The following FYTTD1 variants were observed in gnomAD, a reference collection of about 807,000 sequenced individuals.
The protein encoded by FYTTD1 is forty-two-three domain containing 1.
FYTTD1 carries 22 observed loss-of-function variants against 40.9 expected under a neutral mutation model. That is an observed-to-expected ratio of 0.54 (90% CI 0.38 to 0.77). The LOEUF (loss-of-function observed/expected upper bound fraction) is 0.77. FYTTD1 is among the 30% of genes least tolerant of loss of function. FYTTD1 has a pLI of 0.00. For synonymous variants in FYTTD1, 140 were observed against 137.9 expected (o/e 1.01, Z -0.10); for missense variants, 351 against 392.2 (o/e 0.90, Z 0.89).
At chr3:197,769,709 G>T (rs1392046609) in intron 3 of FYTTD1, among the ~76,000 whole-genome samples, 1 of 151,782 alleles carries the variant, frequency 6.6e-6, no homozygotes, top group Non-Finnish European at 1.5e-5. Flanking sequence ...TTTGGAACTT[G>T]GCTTTTTTAA....
chr3:197,751,678 T>A (rs1026141770), intron 1 of FYTTD1, among the ~76,000 whole-genome samples: 3 of 137,112 alleles, frequency 2.2e-5, no homozygotes, highest in African/African-American at 2.7e-5. Context: ...CCTTTTGAGG[T>A]AAGGCCAACA....
At chr3:197,766,928 T>G (rs76851784) in intron 2 of FYTTD1, among the ~76,000 whole-genome samples, 2,200 of 152,250 alleles carry the variant, frequency 0.014, 32 homozygotes, top group Non-Finnish European at 0.02. Context: ...TTAAAATATA[T>G]GTATACAAGT....
intron 1 of FYTTD1, among the ~76,000 whole-genome samples, chr3:197,753,334 C>A (rs996362544): frequency 6.6e-6 from 1 of 152,070 alleles, no homozygotes; most frequent in African/African-American, 2.4e-5. Context: ...ATTTGAAAAT[C>A]GGTGTTATGG....
At position 197,782,458 on chromosome 3, in the gene FYTTD1, CG is replaced by C. The variant is rs1730053854; in HGVS notation, c.*551del. ...TCCAGAACGTGCTTCCTCTTTCAGA[CG>C]GTGTAAAGTCCCCTGGAATTACACA... On this transcript the variant is annotated 3_prime_UTR_variant, in exon 9 of 9. Transcript: ENST00000241502. 1 of 152,184 alleles carries C rather than the reference CG, an allele frequency of 6.6e-6. No individual in the cohort carries two copies. The highest frequency in any genetic ancestry group is 2.4e-5 in the African/African-American group (1 of 41,430). The allele number at this position is 152,184 out of a possible 1,614,324, so 9.4% of individuals were successfully genotyped here. A position where few individuals can be genotyped will look rare whatever the true frequency, so the allele number is the denominator to read the frequency against.
intron 1 of FYTTD1, 74 bp downstream of exon 1, chr3:197,750,148 G>A: frequency 1.7e-6 from 2 of 1,162,640 alleles, no homozygotes; most frequent in Non-Finnish European, 2.4e-6. Flanking sequence ...GGTTTGTGGG[G>A]GCAGGGGCGG....
At position 197,767,076 on chromosome 3, in the gene FYTTD1, C is replaced by T. The variant is rs1170640115; in HGVS notation, c.236-1363C>T. Among the ~76,000 whole-genome samples the T allele has an allele frequency of 9.7e-4, 142 of 146,136 alleles. 1 individual carries two copies. The highest frequency in any genetic ancestry group is 1.7e-3 in the Non-Finnish European group (109 of 66,002). On this transcript the variant is annotated intron_variant, in intron 2 of 8. Coordinates refer to ENST00000241502, the MANE Select transcript of FYTTD1 (RefSeq NM_032288.7). Reference sequence around the variant, plus strand: ...ACATGTCTATTTTTTAATTTACCCCCTTTTTTTTTTTAACGGGCAGCCCCT... The same window carrying T: ...ACATGTCTATTTTTTAATTTACCCCTTTTTTTTTTTTAACGGGCAGCCCCT...
At chr3:197,770,265 A>C in intron 4 of FYTTD1, 21 bp downstream of exon 4, 3 of 1,406,538 alleles carry the variant, frequency 2.1e-6, no homozygotes, top group African/African-American at 1.4e-5. Context: ...AAAAATAATA[A>C]TGTGTTATTT....
rs34296281 is a variant in FYTTD1, at chr3:197,787,111, CTT to C, written c.*5221_*5222del. 159 of 83,640 alleles carry C rather than the reference CTT, an allele frequency of 1.9e-3. No homozygotes were observed. The highest frequency in any genetic ancestry group is 2.6e-3 in the Admixed American group (18 of 6,972). The allele number at this position is 83,640 out of a possible 1,614,324, so 5.2% of individuals were successfully genotyped here. A position where few individuals can be genotyped will look rare whatever the true frequency, so the allele number is the denominator to read the frequency against. On this transcript the variant is annotated 3_prime_UTR_variant, in exon 9 of 9. Coordinates refer to ENST00000241502, the MANE Select transcript of FYTTD1 (RefSeq NM_032288.7). Reference sequence around the variant, plus strand: ...ACCACGCCCGCCCTAAAAGTGGATTCTTTTTTTTTTTTTTTTTTTTGGAGACA... The same window carrying C: ...ACCACGCCCGCCCTAAAAGTGGATTCTTTTTTTTTTTTTTTTTTGGAGACA...
Position 197,749,945 on chromosome 3 carries a change from C to T in FYTTD1, c.-27C>T, listed in dbSNP as rs772826694. ...GCCTGCGACTCCGGCCTTGTCCGCG[C>T]CCGCTCTCGGCGCGACGTCTCCAGC... On this transcript the variant is annotated 5_prime_UTR_variant, in exon 1 of 9. Transcript: ENST00000241502. 4.0e-6 allele frequency: 6 copies of T among 1,512,440 alleles called. No individual in the cohort carries two copies. The highest frequency in any genetic ancestry group is 5.4e-6 in the Non-Finnish European group (6 of 1,116,716). 93.7% of individuals were successfully genotyped at this position (1,512,440 alleles called of 1,614,324 possible).
At chr3:197,759,123 A>C (rs564916699) in intron 2 of FYTTD1, among the ~76,000 whole-genome samples, 2 of 151,418 alleles carry the variant, frequency 1.3e-5, no homozygotes, top group African/African-American at 4.9e-5. Context: ...GAATGTATAG[A>C]GTGTTCTTCA....
Position 197,786,435 on chromosome 3 carries a change from T to C in FYTTD1, c.*4526T>C, listed in dbSNP as rs1456409620. On this transcript the variant is annotated 3_prime_UTR_variant, in exon 9 of 9. Coordinates refer to ENST00000241502, the MANE Select transcript of FYTTD1 (RefSeq NM_032288.7). ...CAGCCTACAGCTTATTTTCTACCTA[T>C]GTTTAACAGGAAGCTTGATAACACA... The C allele has an allele frequency of 6.6e-6, 1 of 152,136 alleles. No homozygotes were observed. Among genetic ancestry groups the C allele is most frequent in the East Asian group, 1.9e-4 (1 of 5,186 alleles). 9.4% of individuals were successfully genotyped at this position (152,136 alleles called of 1,614,324 possible).
intron 1 of FYTTD1, among the ~76,000 whole-genome samples, chr3:197,751,552 T>C (rs1013669683): frequency 1.3e-5 from 2 of 152,016 alleles, no homozygotes; most frequent in African/African-American, 2.4e-5. Context: ...TGAGAATAGC[T>C]GGAACCCGCG....
intron 3 of FYTTD1, 22 bp from the exon 4 acceptor site, chr3:197,770,110 A>G (rs777681353): frequency 1.3e-5 from 18 of 1,397,348 alleles, no homozygotes; most frequent in Middle Eastern, 3.5e-4. Flanking sequence ...TTTGATTAAC[A>G]TAATTTCTTG....
At chr3:197,774,814 G>C (rs1454307601) in intron 6 of FYTTD1, among the ~76,000 whole-genome samples, 4 of 149,974 alleles carry the variant, frequency 2.7e-5, no homozygotes, top group Non-Finnish European at 5.9e-5. Flanking sequence ...TCGATCGCCA[G>C]TGCATACCAT....
Position 197,786,107 on chromosome 3 carries a change from T to TTTTTTTTTC in FYTTD1, c.*4215_*4223dup, listed in dbSNP as rs1309794214. 1 of 143,692 alleles carries TTTTTTTTTC rather than the reference T, an allele frequency of 7.0e-6. No individual in the cohort carries two copies. Among genetic ancestry groups the TTTTTTTTTC allele is most frequent in the Non-Finnish European group, 1.6e-5 (1 of 63,010 alleles). 8.9% of individuals were successfully genotyped at this position (143,692 alleles called of 1,614,324 possible). A position where few individuals can be genotyped will look rare whatever the true frequency, so the allele number is the denominator to read the frequency against. On this transcript the variant is annotated 3_prime_UTR_variant, in exon 9 of 9. Transcript: ENST00000241502. ...TTATTTTCTTTTTTCTTTTTCTTTT[T>TTTTTTTTTC]TTTTTTTTCTTTTTTTTCTTTTTTT... is the stretch of plus-strand genomic sequence containing the variant.
intron 4 of FYTTD1, among the ~76,000 whole-genome samples, chr3:197,771,416 G>A (rs886796376): frequency 1.3e-5 from 2 of 152,140 alleles, no homozygotes; most frequent in Non-Finnish European, 2.9e-5. Context: ...CCAGCACTTT[G>A]GGGGGCTAAA....
Position 197,750,024 on chromosome 3 carries a change from C to T in FYTTD1, c.53C>T (p.Pro18Leu). The T allele has an allele frequency of 6.3e-7, 1 of 1,583,170 alleles. No homozygotes were observed. Among genetic ancestry groups the T allele is most frequent in the Non-Finnish European group, 8.6e-7 (1 of 1,166,316 alleles). The change falls in exon 1 of 9, where the codon CCG becomes CTG. Residue 18 changes from proline (P) to leucine (L), a missense_variant. By Grantham distance (98) the Pro-to-Leu change is moderately conservative. Coordinates refer to ENST00000241502, the MANE Select transcript of FYTTD1 (RefSeq NM_032288.7). ...GGAGCCACGGCGACTTCTTCGCCGCCGCCGAAGGCCCGCAGCAATGAAAAC... is the reference window on the plus strand; with the variant it reads ...GGAGCCACGGCGACTTCTTCGCCGCTGCCGAAGGCCCGCAGCAATGAAAAC... ...LVGATATSSP[P>L]PKARSNENLD...
intron 4 of FYTTD1, among the ~76,000 whole-genome samples, chr3:197,771,349 T>C (rs898661544): frequency 2.6e-5 from 4 of 152,142 alleles, no homozygotes; most frequent in Non-Finnish European, 4.4e-5. Context: ...AAAAAAAACC[T>C]GGAATGAGGT....
At chr3:197,780,219 G>T (rs1175612532) in intron 8 of FYTTD1, among the ~76,000 whole-genome samples, 1 of 152,042 alleles carries the variant, frequency 6.6e-6, no homozygotes, top group Non-Finnish European at 1.5e-5. Context: ...CACCATACTT[G>T]GCTAATTCTT....
Sources: gnomAD v4.1 joint callset for allele counts (sites outside exome capture counted in the v4.1 genomes callset) on GRCh38, gnomAD v4.1.1 for gene constraint, MANE v1.5 for transcripts, NCBI Gene and HGNC (gene_info 2026-07-23, HGNC 2026-07-21) for gene names.